Variants in RBFOX1 observed in about 807,000 individuals in gnomAD.
RBFOX1 encodes RNA binding fox-1 homolog 1.
Under a neutral mutation model 57.7 loss-of-function variants are expected in RBFOX1, and 8 were observed. The ratio of observed to expected loss-of-function variants is 0.14; its 90% confidence interval spans 0.08 to 0.25. The LOEUF (loss-of-function observed/expected upper bound fraction) is 0.25. Ranked by LOEUF, RBFOX1 falls within the 10% of genes least tolerant of loss-of-function variation. The probability of loss-of-function intolerance (pLI) is 1.00; values close to 1 mark genes in which losing one functional copy is unlikely to be tolerated. For synonymous variants in RBFOX1, 326 were observed against 222.4 expected (o/e 1.47, Z -4.15); for missense variants, 611 against 548.5 (o/e 1.11, Z -1.14).
chr16:7,531,945 A>C (rs1161725454), intron 5 of RBFOX1, among the ~76,000 whole-genome samples: 1 of 152,064 alleles, frequency 6.6e-6, no homozygotes, highest in East Asian at 1.9e-4. Context: ...ATAGAGTGAA[A>C]GAGGCCTTCA....
At chr16:7,464,407 G>C (rs1697516881) in intron 4 of RBFOX1, among the ~76,000 whole-genome samples, 1 of 151,938 alleles carries the variant, frequency 6.6e-6, no homozygotes, top group African/African-American at 2.4e-5. Flanking sequence ...GATCAAACAA[G>C]ACATCGGCCA....
At chr16:6,418,069 C>G (rs1567228734) in intron 2 of RBFOX1, among the ~76,000 whole-genome samples, 1 of 152,210 alleles carries the variant, frequency 6.6e-6, no homozygotes, top group Non-Finnish European at 1.5e-5. Context: ...AGGGTTCCCT[C>G]AGGCTCCTTA....
At chr16:6,992,076 G>T (rs2091561874) in intron 3 of RBFOX1, among the ~76,000 whole-genome samples, 1 of 151,954 alleles carries the variant, frequency 6.6e-6, no homozygotes, top group Non-Finnish European at 1.5e-5. Flanking sequence ...GTCTTTGCCA[G>T]AGTTTCACCC....
At chr16:7,551,351 G>C (rs2086462286) in intron 5 of RBFOX1, among the ~76,000 whole-genome samples, 1 of 152,088 alleles carries the variant, frequency 6.6e-6, no homozygotes, top group East Asian at 1.9e-4. Flanking sequence ...AGGGGAAGCA[G>C]ATGAGATGTA....
intron 1 of RBFOX1, among the ~76,000 whole-genome samples, chr16:5,464,174 A>G (rs2068882837): frequency 6.6e-6 from 1 of 152,088 alleles, no homozygotes; most frequent in African/African-American, 2.4e-5. Flanking sequence ...GGCTGTGTGG[A>G]GTTGATAATG....
chr16:5,951,772 C>G (rs2059524775), intron 4 of RBFOX1, among the ~76,000 whole-genome samples: 1 of 148,250 alleles, frequency 6.7e-6, no homozygotes, highest in Admixed American at 6.8e-5. Flanking sequence ...TTAAAGGACA[C>G]AAGGGATAGA....
chr16:7,617,926 T>C (rs988366345), intron 10 of RBFOX1, among the ~76,000 whole-genome samples: 5 of 152,080 alleles, frequency 3.3e-5, no homozygotes, highest in Non-Finnish European at 5.9e-5. Context: ...GTAAAGATCA[T>C]TGCAGGAGGG....
intron 1 of RBFOX1, among the ~76,000 whole-genome samples, chr16:5,376,773 T>G (rs149128710): frequency 6.7e-6 from 1 of 148,780 alleles, no homozygotes; most frequent in Non-Finnish European, 1.5e-5. Flanking sequence ...CTTTCTTTCC[T>G]TCCAAGCTTG....
At chr16:6,532,727 C>T (rs2096676465) in intron 2 of RBFOX1, among the ~76,000 whole-genome samples, 1 of 152,150 alleles carries the variant, frequency 6.6e-6, no homozygotes, top group African/African-American at 2.4e-5. Flanking sequence ...ACTCCATTCC[C>T]ATTTGTCTGA....
At chr16:7,017,007 C>T (rs1488366657) in intron 3 of RBFOX1, among the ~76,000 whole-genome samples, 1 of 152,264 alleles carries the variant, frequency 6.6e-6, no homozygotes, top group East Asian at 1.9e-4. Context: ...GAGCGACCCT[C>T]TTTCTTTCAT....
intron 1 of RBFOX1, among the ~76,000 whole-genome samples, chr16:6,137,865 C>G (rs1450746309): frequency 2.6e-5 from 4 of 152,130 alleles, no homozygotes; most frequent in Non-Finnish European, 5.9e-5. Context: ...CTGCCTCAAT[C>G]TCCCAAAGTG....
intron 1 of RBFOX1, among the ~76,000 whole-genome samples, chr16:6,044,847 C>T (rs186475480): frequency 6.6e-6 from 1 of 152,268 alleles, no homozygotes; most frequent in East Asian, 1.9e-4. Context: ...TCTCATTGTT[C>T]CCTCATGTTT....
intron 3 of RBFOX1, among the ~76,000 whole-genome samples, chr16:6,877,449 G>A (rs1324105717): frequency 6.7e-6 from 1 of 150,268 alleles, no homozygotes; most frequent in Non-Finnish European, 1.5e-5. Flanking sequence ...CCAGAGTAGT[G>A]GGGAAGCTTG....
intron 3 of RBFOX1, among the ~76,000 whole-genome samples, chr16:7,013,486 C>A (rs78784298): frequency 0.016 from 2,396 of 152,208 alleles, 71 homozygotes; most frequent in African/African-American, 0.054. Context: ...GAAGGCATGC[C>A]TCTAAATATC....
chr16:7,704,483 G>T (rs896675165), intron 14 of RBFOX1, among the ~76,000 whole-genome samples: 22 of 152,158 alleles, frequency 1.4e-4, no homozygotes, highest in African/African-American at 5.3e-4. Flanking sequence ...TCTTCAAAAA[G>T]CGTATCTGAA....
At chr16:7,155,121 T>C (rs2076829375) in intron 4 of RBFOX1, among the ~76,000 whole-genome samples, 1 of 152,172 alleles carries the variant, frequency 6.6e-6, no homozygotes, top group African/African-American at 2.4e-5. Context: ...TTCAGAAAGA[T>C]AAACAACTGT....
intron 4 of RBFOX1, among the ~76,000 whole-genome samples, chr16:7,152,412 A>T (rs2076275741): frequency 6.6e-6 from 1 of 152,228 alleles, no homozygotes; most frequent in Non-Finnish European, 1.5e-5. Flanking sequence ...GGCTGACCCG[A>T]TAGCCAAAGA....
chr16:5,974,905 G>A (rs1596326750), intron 4 of RBFOX1, among the ~76,000 whole-genome samples: 2 of 152,140 alleles, frequency 1.3e-5, no homozygotes, highest in East Asian at 1.9e-4. Context: ...CTACTCAGGA[G>A]GCTGAGGCAG....
intron 2 of RBFOX1, among the ~76,000 whole-genome samples, chr16:6,492,327 T>C (rs916262214): frequency 6.6e-6 from 1 of 152,192 alleles, no homozygotes; most frequent in Admixed American, 6.5e-5. Context: ...TCCAACACTT[T>C]GGGAGGCCAA....
Sources: gnomAD v4.1 joint callset for allele counts (sites outside exome capture counted in the v4.1 genomes callset) on GRCh38, gnomAD v4.1.1 for gene constraint, MANE v1.5 for transcripts, NCBI Gene and HGNC (gene_info 2026-07-23, HGNC 2026-07-21) for gene names.